The following MAP3K2 variants were observed in gnomAD, a reference collection of about 807,000 sequenced individuals.
The protein encoded by MAP3K2 is MAP/ERK kinase kinase 2.
In MAP3K2, 24 loss-of-function variants were observed where a neutral mutation model predicts 80.3. The ratio of observed to expected loss-of-function variants is 0.30; its 90% CI spans 0.22 to 0.42. The LOEUF is 0.42. Among genes scored for constraint, MAP3K2 ranks in the 10% least tolerant of loss-of-function variants. The pLI is 1.00. For missense variants in MAP3K2, 608 were observed against 750.1 expected (o/e 0.81, Z 2.21); for synonymous variants, 244 against 253.7 (o/e 0.96, Z 0.36).
intron 12 of MAP3K2, among the ~76,000 whole-genome samples, chr2:127,319,910 G>A (rs1403008333): frequency 6.6e-6 from 1 of 150,568 alleles, no homozygotes; most frequent in Non-Finnish European, 1.5e-5. Flanking sequence ...ACCAGCACAA[G>A]GTAATTAGAA....
Position 127,321,940 on chromosome 2 carries a change from A to T in MAP3K2, c.1045+106T>A. On this transcript the variant is annotated intron_variant, in intron 12 of 16. Coordinates refer to ENST00000682094, the MANE Select transcript of MAP3K2 (RefSeq NM_001371910.2). The surrounding 1 kb of genome is among the most constrained non-coding windows in gnomAD (Gnocchi z 4.4). ...AACACCATTATTACCTTTTTTGAGT[A>T]GTTCATCTGACCCCAAAAACTCACT... The T allele has an allele frequency of 3.4e-6, 3 of 886,300 alleles. No homozygotes were observed. Among genetic ancestry groups the T allele is most frequent in the Admixed American group, 2.2e-5 (1 of 44,462 alleles). 54.9% of individuals were successfully genotyped at this position (886,300 alleles called of 1,614,324 possible). A position where few individuals can be genotyped will look rare whatever the true frequency, so the allele number is the denominator to read the frequency against.
chr2:127,347,750 A>T (rs1686623903), intron 1 of MAP3K2, among the ~76,000 whole-genome samples: 1 of 152,172 alleles, frequency 6.6e-6, no homozygotes, highest in South Asian at 2.1e-4. Context: ...TTAAATTCAT[A>T]TGAAACTGCA....
At position 127,322,385 on chromosome 2, in the gene MAP3K2, G is replaced by C; in HGVS notation, c.839-133C>G. The stretch of plus-strand genomic sequence containing the variant: ...TAAGAAACTCAAATAGGAATGATTG[G>C]GTGGGAAAAAATAAACAGGATCTGA... On this transcript the variant is annotated intron_variant, in intron 11 of 16. Coordinates refer to ENST00000682094, the MANE Select transcript of MAP3K2 (RefSeq NM_001371910.2). The surrounding 1 kb of genome is among the most constrained non-coding windows in gnomAD (Gnocchi z 4.2). 1 of 596,302 alleles carries C rather than the reference G, an allele frequency of 1.7e-6. No homozygotes were observed. The highest frequency in any genetic ancestry group is 2.9e-6 in the Non-Finnish European group (1 of 341,422). 36.9% of individuals were successfully genotyped at this position (596,302 alleles called of 1,614,324 possible).
In MAP3K2 at chr2:127,306,125, CA is replaced by C. The variant is rs1685693261; in HGVS notation, c.*1453del. 6.6e-6 allele frequency: 1 copy of C among 152,130 alleles called. No individual in the cohort carries two copies. Among genetic ancestry groups the C allele is most frequent in the Non-Finnish European group, 1.5e-5 (1 of 68,004 alleles). 9.4% of individuals were successfully genotyped at this position (152,130 alleles called of 1,614,324 possible). On this transcript the variant is annotated 3_prime_UTR_variant, in exon 17 of 17. Transcript: ENST00000682094. This position sits in a 1 kb window ranked among gnomAD's most constrained non-coding sequence, Gnocchi z 4.7. ...ATTATTCACCCTTGACTTAAAGCAG[CA>C]GTATCTGATCTTGTAAAATCCTCAA...
At chr2:127,325,266 A>C (rs1194126042) in intron 9 of MAP3K2, among the ~76,000 whole-genome samples, 1 of 152,340 alleles carries the variant, frequency 6.6e-6, no homozygotes, top group East Asian at 1.9e-4. Flanking sequence ...CTGTGCAAAA[A>C]TTCATCTGCC....
At chr2:127,345,086 T>A (rs1201644790) in intron 1 of MAP3K2, among the ~76,000 whole-genome samples, 1 of 152,210 alleles carries the variant, frequency 6.6e-6, no homozygotes, top group East Asian at 1.9e-4. Context: ...GCTCCTGGGC[T>A]AAAGTGATCC....
rs773231459 is a variant in MAP3K2, at chr2:127,322,069, A to G, written c.1022T>C (p.Met341Thr). The change falls in exon 12 of 17, where the codon ATG becomes ACG. Residue 341 changes from methionine (M) to threonine (T), a missense_variant. Coordinates refer to ENST00000682094, the MANE Select transcript of MAP3K2 (RefSeq NM_001371910.2). The surrounding 1 kb of genome is among the most constrained non-coding windows in gnomAD (Gnocchi z 4.2). Reference protein sequence around the residue: ...SDIDNPTLTVMDISPPSRSPR... With the variant: ...SDIDNPTLTVTDISPPSRSPR... ...ACAACGGCTGGGTGGGCTGATGTCC[A>G]TTACGGTCAAAGTAGGATTGTCTAT... 4 of 1,613,490 alleles carry G rather than the reference A, an allele frequency of 2.5e-6. No homozygotes were observed. Among genetic ancestry groups the G allele is most frequent in the Non-Finnish European group, 3.4e-6 (4 of 1,179,702 alleles).
At chr2:127,384,212 T>TGA (rs1558993391) in intron 1 of MAP3K2, among the ~76,000 whole-genome samples, 1 of 98,292 alleles carries the variant, frequency 1.0e-5, no homozygotes, top group Non-Finnish European at 2.1e-5. Flanking sequence ...AATTTTTAAT[T>TGA]GATATATATA....
Position 127,339,339 on chromosome 2 carries a change from AC to A in MAP3K2, c.5-290del, listed in dbSNP as rs1375388519. Among the ~76,000 whole-genome samples the A allele has an allele frequency of 6.6e-6, 1 of 152,220 alleles. No homozygotes were observed. Among genetic ancestry groups the A allele is most frequent in the Non-Finnish European group, 1.5e-5 (1 of 68,020 alleles). On this transcript the variant is annotated intron_variant, in intron 2 of 16. Transcript: ENST00000682094. This position sits in a 1 kb window ranked among gnomAD's most constrained non-coding sequence, Gnocchi z 4.2. Reference sequence around the variant, plus strand: ...ATAAGGTCAAAACTGCCCTGTTATAACAAATTCTTTTCTATGACTCCTAAAC... The same window carrying A: ...ATAAGGTCAAAACTGCCCTGTTATAAAAATTCTTTTCTATGACTCCTAAAC...
chr2:127,365,927 A>C (rs899991987), intron 1 of MAP3K2, among the ~76,000 whole-genome samples: 1 of 152,098 alleles, frequency 6.6e-6, no homozygotes, highest in Non-Finnish European at 1.5e-5. Flanking sequence ...TGAGCCCTTA[A>C]ATGATTCAAG....
At chr2:127,344,488 CAAAAAAAA>C (rs10611311) in intron 1 of MAP3K2, among the ~76,000 whole-genome samples, 5 of 129,140 alleles carry the variant, frequency 3.9e-5, no homozygotes, top group African/African-American at 1.2e-4. Flanking sequence ...CCATTTCCAC[CAAAAAAAA>C]AAAAAAAAAA....
chr2:127,319,860 A>G (rs1441396797), intron 12 of MAP3K2, among the ~76,000 whole-genome samples: 1 of 150,456 alleles, frequency 6.6e-6, no homozygotes, highest in African/African-American at 2.4e-5. Flanking sequence ...AAAAAAAAAA[A>G]GCTGATGGAG....
At chr2:127,377,224 G>A (rs767522533) in intron 1 of MAP3K2, among the ~76,000 whole-genome samples, 50 of 152,034 alleles carry the variant, frequency 3.3e-4, no homozygotes, top group African/African-American at 1.0e-3. Context: ...TAAAATAGAC[G>A]AGTTTATTGT....
intron 13 of MAP3K2, 85 bp downstream of exon 13, chr2:127,318,084 A>T: frequency 9.9e-6 from 9 of 913,158 alleles, no homozygotes; most frequent in East Asian, 3.0e-5. Flanking sequence ...CTTCTTATTT[A>T]GAATGGAAGG....
intron 1 of MAP3K2, among the ~76,000 whole-genome samples, chr2:127,345,443 C>T (rs1418788245): frequency 1.3e-5 from 2 of 152,128 alleles, no homozygotes; most frequent in Admixed American, 6.6e-5. Flanking sequence ...GATTTCAATG[C>T]CCTGCGTTCA....
intron 4 of MAP3K2, among the ~76,000 whole-genome samples, chr2:127,337,262 A>T (rs1267054434): frequency 6.6e-6 from 1 of 152,160 alleles, no homozygotes; most frequent in Non-Finnish European, 1.5e-5. Context: ...CTAGGTTTAC[A>T]TCTCTGCTAA....
Position 127,306,995 on chromosome 2 carries a change from A to G in MAP3K2, c.*584T>C, listed in dbSNP as rs1685713215. 6.6e-6 allele frequency: 1 copy of G among 152,556 alleles called. No individual in the cohort carries two copies. Among genetic ancestry groups the G allele is most frequent in the Admixed American group, 6.6e-5 (1 of 15,252 alleles). The allele number at this position is 152,556 out of a possible 1,614,324, so 9.5% of individuals were successfully genotyped here. On this transcript the variant is annotated 3_prime_UTR_variant, in exon 17 of 17. Transcript: ENST00000682094. The surrounding 1 kb of genome is among the most constrained non-coding windows in gnomAD (Gnocchi z 4.7). Reference sequence around the variant, plus strand: ...ATAAACATACCTCTCAGAGATTCATATCTTCTATCAAGACTCCTACTGAGC... The same window carrying G: ...ATAAACATACCTCTCAGAGATTCATGTCTTCTATCAAGACTCCTACTGAGC...
chr2:127,334,530 A>C (rs1476199320), intron 5 of MAP3K2, among the ~76,000 whole-genome samples: 1 of 152,096 alleles, frequency 6.6e-6, no homozygotes, highest in Non-Finnish European at 1.5e-5. Flanking sequence ...TCCTGGGCTC[A>C]AGCTATCCTC....
intron 1 of MAP3K2, among the ~76,000 whole-genome samples, chr2:127,382,265 C>G (rs1307813733): frequency 1.3e-5 from 2 of 152,160 alleles, no homozygotes; most frequent in Admixed American, 6.5e-5. Flanking sequence ...TTAGGAGATG[C>G]ATGTGACATA....
Sources: allele counts gnomAD v4.1 joint callset (sites outside exome capture counted in the v4.1 genomes callset), GRCh38; gene constraint gnomAD v4.1.1; non-coding constraint Gnocchi (gnomAD v3.1); transcripts MANE v1.5; gene names NCBI Gene and HGNC (gene_info 2026-07-23, HGNC 2026-07-21).